CCDC180: variants seen among roughly 807,000 people sequenced by gnomAD.
CCDC180 encodes coiled-coil domain-containing protein 180.
A neutral mutation model predicts 209.2 loss-of-function variants in CCDC180; 154 were observed. The ratio of observed to expected loss-of-function variants is 0.74; its 90% confidence interval spans 0.65 to 0.84. The LOEUF (loss-of-function observed/expected upper bound fraction) is 0.84, where lower values mean the gene tolerates loss of function less well. Among genes scored for constraint, CCDC180 ranks in the 40% least tolerant of loss-of-function variants. CCDC180 has a pLI of 0.00. For missense variants in CCDC180, 1,874 were observed against 1,997.3 expected (o/e 0.94, Z 1.18); for synonymous variants, 778 against 749.1 (o/e 1.04, Z -0.63).
intron 23 of CCDC180, 46 bp from the exon 24 acceptor site, chr9:97,354,846 G>A (rs937564352): frequency 1.3e-5 from 20 of 1,566,198 alleles, no homozygotes; most frequent in Non-Finnish European, 1.8e-5. Flanking sequence ...GAGTCCAAAA[G>A]GTCCAAATTA....
In CCDC180 at chr9:97,369,995, G is replaced by C; in HGVS notation, c.4263G>C (p.Lys1421Asn). ...QVCWLVMENF[K>N]EHHWKKFFTS... ...GTTGGCTGGTGATGGAGAATTTCAA[G>C]GAACACCACTGGAAAAAGTTTTTCA... is the stretch of plus-strand genomic sequence containing the variant. Residue 1421 changes from lysine to asparagine, a missense_variant, in exon 32 of 37, where the codon AAG (lysine) becomes AAC (asparagine). Transcript: ENST00000529487. 6.2e-7 allele frequency: 1 copy of C among 1,614,136 alleles called. No individual in the cohort carries two copies. Among genetic ancestry groups the C allele is most frequent in the Non-Finnish European group, 8.5e-7 (1 of 1,180,020 alleles).
intron 35 of CCDC180, 40 bp from the exon 36 acceptor site, chr9:97,375,414 A>G: frequency 6.2e-7 from 1 of 1,611,696 alleles, no homozygotes; most frequent in Non-Finnish European, 8.5e-7. Flanking sequence ...ATGAAAGATG[A>G]AGACAAGCCT....
At chr9:97,314,312 G>A in intron 5 of CCDC180, 81 bp from the exon 6 acceptor site, 2 of 1,530,882 alleles carry the variant, frequency 1.3e-6, no homozygotes, top group Non-Finnish European at 1.8e-6. Context: ...ACCATGCCTG[G>A]CACTTCCCCC....
chr9:97,364,423 C>A, intron 29 of CCDC180: 1 of 354,586 alleles, frequency 2.8e-6, no homozygotes, highest in Non-Finnish European at 5.1e-6. Flanking sequence ...TTTTTCAGTG[C>A]TTTCCCCCAT....
intron 18 of CCDC180, among the ~76,000 whole-genome samples, chr9:97,332,669 C>T (rs950595222): frequency 1.3e-5 from 2 of 152,032 alleles, no homozygotes; most frequent in South Asian, 2.1e-4. Context: ...ATTTGGCTCT[C>T]GGCTTAGATG....
At chr9:97,309,323 A>G in intron 2 of CCDC180, 91 bp from the exon 3 acceptor site, 3 of 1,297,510 alleles carry the variant, frequency 2.3e-6, no homozygotes, top group Non-Finnish European at 3.2e-6. Context: ...AGCTCTCTGG[A>G]TGTCTTTCTA....
intron 18 of CCDC180, among the ~76,000 whole-genome samples, chr9:97,331,535 C>G (rs1487208018): frequency 6.6e-6 from 1 of 152,108 alleles, no homozygotes; most frequent in Non-Finnish European, 1.5e-5. Context: ...ATAAGCATAC[C>G]CTTTTCTCTG....
intron 33 of CCDC180, 27 bp from the exon 34 acceptor site, chr9:97,371,568 G>T: frequency 6.8e-7 from 1 of 1,461,598 alleles, no homozygotes; most frequent in Non-Finnish European, 9.5e-7. Flanking sequence ...TCTCCTAGCA[G>T]CACTGTGCTC....
rs759036561 is a variant in CCDC180 at position 97,318,557 on chromosome 9, C to CG, written c.1056dup (p.Leu353AlafsTer9). 105 of 1,613,212 alleles carry CG rather than the reference C, an allele frequency of 6.5e-5. No individual in the cohort carries two copies. In the African/African-American group the frequency reaches 1.1e-3, roughly 17 times the overall value. ...GACCCAGAACGTCCTGCAGCAAAGG[C>CG]GGCTGAAGCATCTCTGCACCATCTG... On this transcript the variant is annotated frameshift_variant, in exon 10 of 37. Coordinates refer to ENST00000529487, the MANE Select transcript of CCDC180 (RefSeq NM_020893.6). LOFTEE classifies it high-confidence loss of function.
chr9:97,350,187 A>G (rs1331223046), intron 21 of CCDC180, among the ~76,000 whole-genome samples: 2 of 142,060 alleles, frequency 1.4e-5, no homozygotes, highest in Admixed American at 7.1e-5. Flanking sequence ...CTGGTCACCC[A>G]TCAGCGTTGT....
rs559283212 is a variant in CCDC180 at position 97,365,596 on chromosome 9, G to A, written c.3981-77G>A. 41 of 1,348,344 alleles carry A rather than the reference G, an allele frequency of 3.0e-5. No individual in the cohort carries two copies. In the Admixed American group the frequency reaches 5.4e-4, roughly 18 times the overall value. The allele number at this position is 1,348,344 out of a possible 1,614,324, so 83.5% of individuals were successfully genotyped here. A position where few individuals can be genotyped will look rare whatever the true frequency, so the allele number is the denominator to read the frequency against. ...ACGGCCAAAACAGAGCACTTGGAAA[G>A]TTCTGTTCATGTGGTTTTGTCCATG... On this transcript the variant is annotated intron_variant, in intron 29 of 36. Coordinates refer to ENST00000529487, the MANE Select transcript of CCDC180 (RefSeq NM_020893.6).
In CCDC180 at chr9:97,361,872, T is replaced by A; in HGVS notation, c.3630T>A (p.Ala1210=). ...GGAAGCCCCTGATTGAGGACCCAGC[T>A]GTGGATGTGATCAGGAAGCTCCTGC... ...RVGKPLIEDP[A]VDVIRKLLQL... is the part of the protein sequence containing the mutation. Residue 1210 remains alanine, a synonymous_variant, in exon 27 of 37, where the codon GCT becomes GCA. Transcript: ENST00000529487. The A allele has an allele frequency of 6.2e-7, 1 of 1,614,124 alleles. No homozygotes were observed. The highest frequency in any genetic ancestry group is 2.2e-5 in the East Asian group (1 of 44,876).
intron 23 of CCDC180, 59 bp from the exon 24 acceptor site, chr9:97,354,833 T>A (rs200559396): frequency 7.9e-5 from 123 of 1,561,722 alleles, no homozygotes; most frequent in Non-Finnish European, 1.0e-4. Flanking sequence ...CCCTCCTCCT[T>A]CAGAGTCCAA....
rs1377367903 is a variant in CCDC180 at position 97,375,482 on chromosome 9, G to C, written c.4735G>C (p.Val1579Leu). Residue 1579 changes from valine to leucine, a missense_variant, in exon 36 of 37, where the codon GTC (valine) becomes CTC (leucine). By Grantham distance (32) the Val-to-Leu change is conservative. Transcript: ENST00000529487. ...GTGGCCAGGGATCAAACCCACCGAA[G>C]TCACCATCCAAAACAAGATTCTTCT... Reference protein sequence around the residue: ...RKWPGIKPTEVTIQNKILLQP... With the variant: ...RKWPGIKPTELTIQNKILLQP... The C allele has an allele frequency of 1.9e-6, 3 of 1,614,040 alleles. No homozygotes were observed. Among genetic ancestry groups the C allele is most frequent in the Non-Finnish European group, 2.5e-6 (3 of 1,180,044 alleles).
At chr9:97,331,117 G>A (rs963387671) in intron 18 of CCDC180, among the ~76,000 whole-genome samples, 2 of 151,650 alleles carry the variant, frequency 1.3e-5, no homozygotes, top group African/African-American at 2.4e-5. Context: ...TCTGCTGTTC[G>A]CCTCCTAGTA....
rs533751664 is a variant in CCDC180 at position 97,335,938 on chromosome 9, G to A, written c.2274+5171G>A. ...TTTCTCTGATGACCAGTGATGACGA[G>A]CGTTTTTTCATGTGTCTGTTGGCGG... is the stretch of plus-strand genomic sequence containing the variant. On this transcript the variant is annotated intron_variant, in intron 18 of 36. Transcript: ENST00000529487. Among the ~76,000 whole-genome samples, 4 of 152,348 alleles carry A rather than the reference G, an allele frequency of 2.6e-5. 1 individual carries two copies. The highest frequency in any genetic ancestry group is 6.8e-3 in the Middle Eastern group (2 of 294).
rs1826701414 is a variant in CCDC180 at position 97,359,912 on chromosome 9, T to TTCCCACAGAATCTACCCACCCTCCTGCAG, written c.3364-67_3364-39dup. On this transcript the variant is annotated intron_variant, in intron 25 of 36. Coordinates refer to ENST00000529487, the MANE Select transcript of CCDC180 (RefSeq NM_020893.6). ...ATCAGCCCAGCCCCTGTTCCCGCAC[T>TTCCCACAGAATCTACCCACCCTCCTGCAG]TCCCACAGAATCTACCCACCCTCCT... 6.3e-6 allele frequency: 10 copies of TTCCCACAGAATCTACCCACCCTCCTGCAG among 1,588,926 alleles called. No homozygotes were observed. In the Admixed American group the frequency reaches 1.7e-4, roughly 27 times the overall value.
intron 22 of CCDC180, among the ~76,000 whole-genome samples, chr9:97,352,395 T>G (rs1826445568): frequency 6.6e-6 from 1 of 152,140 alleles, no homozygotes; most frequent in Admixed American, 6.5e-5. Context: ...CTGGGTGTGG[T>G]GTCAACTCCA....
intron 20 of CCDC180, 87 bp downstream of exon 20, chr9:97,347,576 C>T: frequency 7.8e-7 from 1 of 1,284,164 alleles, no homozygotes; most frequent in South Asian, 1.4e-5. Context: ...CATTAGCTGC[C>T]CCAGTTTGTA....
Sources: gnomAD v4.1 joint callset for allele counts (sites outside exome capture counted in the v4.1 genomes callset) on GRCh38, gnomAD v4.1.1 for gene constraint, MANE v1.5 for transcripts, NCBI Gene and HGNC (gene_info 2026-07-23, HGNC 2026-07-21) for gene names.